ULK4: variants seen among roughly 807,000 people sequenced by gnomAD.
ULK4 encodes inactive serine/threonine-protein kinase ULK4.
A neutral mutation model predicts 160.6 loss-of-function variants in ULK4; 133 were observed. The ratio of observed to expected loss-of-function variants is 0.83; its 90% CI spans 0.72 to 0.96. The LOEUF is 0.96. Ranked by LOEUF, ULK4 falls within the 40% of genes least tolerant of loss-of-function variation. The pLI is 0.00. For missense variants in ULK4, 1,580 were observed against 1,499.5 expected, an observed-to-expected ratio of 1.05 and a Z score of -0.89; for synonymous variants, 534 against 539.8, an observed-to-expected ratio of 0.99 and a Z score of 0.15.
At chr3:41,314,795 CTTCAT>C (rs1437771041) in intron 35 of ULK4, among the ~76,000 whole-genome samples, 2 of 149,352 alleles carry the variant, frequency 1.3e-5, no homozygotes, top group African/African-American at 5.1e-5. Flanking sequence ...AAGAATATAT[CTTCAT>C]TTGGTGCAGT....
At chr3:41,709,533 C>T (rs983188023) in intron 25 of ULK4, among the ~76,000 whole-genome samples, 9 of 151,980 alleles carry the variant, frequency 5.9e-5, no homozygotes, top group African/African-American at 2.2e-4. Flanking sequence ...ACTACAGGCG[C>T]GCGCCACCAC....
At chr3:41,254,080 A>G (rs555840908) in intron 35 of ULK4, among the ~76,000 whole-genome samples, 17 of 152,332 alleles carry the variant, frequency 1.1e-4, no homozygotes, top group Admixed American at 2.6e-4. Flanking sequence ...ATGATAAGAA[A>G]CAGGATAAGT....
intron 17 of ULK4, among the ~76,000 whole-genome samples, chr3:41,862,798 C>A (rs565798147): frequency 1.2e-4 from 18 of 150,720 alleles, no homozygotes; most frequent in South Asian, 4.3e-4. Context: ...CTCCCCCCCC[C>A]CTTTCTCTCT....
At chr3:41,370,803 C>CTA (rs1181350130) in intron 35 of ULK4, among the ~76,000 whole-genome samples, 3 of 152,210 alleles carry the variant, frequency 2.0e-5, no homozygotes, top group Admixed American at 6.5e-5. Context: ...GAACTGTTCA[C>CTA]TACCCTGAAA....
At chr3:41,769,189 T>G (rs1463815848) in intron 21 of ULK4, among the ~76,000 whole-genome samples, 1 of 152,312 alleles carries the variant, frequency 6.6e-6, no homozygotes, top group East Asian at 1.9e-4. Context: ...CCTAAAAACA[T>G]CTTCTGCCCT....
intron 32 of ULK4, among the ~76,000 whole-genome samples, chr3:41,530,282 G>T (rs1311023066): frequency 6.6e-6 from 1 of 152,060 alleles, no homozygotes; most frequent in African/African-American, 2.4e-5. Context: ...TCTAAGGAAG[G>T]GGGACACAGA....
chr3:41,873,609 A>C (rs1697194895), intron 17 of ULK4, among the ~76,000 whole-genome samples: 1 of 152,108 alleles, frequency 6.6e-6, no homozygotes, highest in Non-Finnish European at 1.5e-5. Context: ...GCTAGAGCGC[A>C]GTTGTGCGAT....
chr3:41,907,908 C>CA lies in ULK4; in HGVS notation c.1118dup (p.Glu374GlyfsTer6), dbSNP rs752164025. The CA allele has an allele frequency of 6.2e-7, 1 of 1,607,576 alleles. No individual in the cohort carries two copies. Among genetic ancestry groups the CA allele is most frequent in the South Asian group, 1.1e-5 (1 of 89,920 alleles). On this transcript the variant is annotated frameshift_variant, in exon 12 of 37. Transcript: ENST00000301831. LOFTEE classifies it high-confidence loss of function. The stretch of plus-strand genomic sequence containing the variant: ...TCATATCCTCACCAGGACTTACTTC[C>CA]ACTGCAGTGCTAGTTCTGGGAGTAG...
intron 8 of ULK4, 179 bp from the exon 9 acceptor site, chr3:41,913,078 AAAG>A (rs1698845419): frequency 1.8e-6 from 1 of 566,536 alleles, no homozygotes; most frequent in Non-Finnish European, 3.1e-6. Context: ...AGCAAGATAA[AAAG>A]AAACAATTCA....
chr3:41,798,486 C>T (rs750054789), intron 20 of ULK4, among the ~76,000 whole-genome samples: 1 of 152,050 alleles, frequency 6.6e-6, no homozygotes, highest in African/African-American at 2.4e-5. Context: ...TAATGATAAT[C>T]AGGGGCAGGA....
intron 18 of ULK4, among the ~76,000 whole-genome samples, chr3:41,832,886 G>A (rs2041637756): frequency 6.6e-6 from 1 of 152,094 alleles, no homozygotes; most frequent in South Asian, 2.1e-4. Context: ...CTGTTCCATT[G>A]GTCTGCATGT....
chr3:41,318,028 C>A (rs781078638), intron 35 of ULK4, among the ~76,000 whole-genome samples: 6 of 152,140 alleles, frequency 3.9e-5, no homozygotes, highest in Non-Finnish European at 7.3e-5. Flanking sequence ...GCTATATCTA[C>A]CACTGTTGTC....
intron 30 of ULK4, among the ~76,000 whole-genome samples, chr3:41,648,248 GT>G: frequency 6.6e-6 from 1 of 152,270 alleles, no homozygotes; most frequent in Admixed American, 6.5e-5. Flanking sequence ...GATGAACCCG[GT>G]ACCTCAGATG....
At chr3:41,397,550 G>A (rs189795122) in intron 35 of ULK4, among the ~76,000 whole-genome samples, 2 of 152,058 alleles carry the variant, frequency 1.3e-5, no homozygotes, top group Non-Finnish European at 2.9e-5. Context: ...CAAACTCAGG[G>A]AGATGCTACA....
intron 31 of ULK4, among the ~76,000 whole-genome samples, chr3:41,572,298 G>A (rs890369509): frequency 6.6e-6 from 1 of 152,118 alleles, no homozygotes; most frequent in Non-Finnish European, 1.5e-5. Context: ...GACCCACAGT[G>A]TTACCTGGGA....
At chr3:41,960,230 T>G (rs1576026207) in intron 1 of ULK4, among the ~76,000 whole-genome samples, 1 of 152,184 alleles carries the variant, frequency 6.6e-6, no homozygotes, top group Non-Finnish European at 1.5e-5. Context: ...TCAAGTCACA[T>G]GTGGACAATT....
chr3:41,851,773 AAATGCCCACAAG>A (rs1330082123), intron 17 of ULK4, among the ~76,000 whole-genome samples: 4 of 152,166 alleles, frequency 2.6e-5, no homozygotes, highest in Non-Finnish European at 4.4e-5. Flanking sequence ...TTATAGCACT[AAATGCCCACAAG>A]AGAAAGCAGG....
chr3:41,408,936 T>G (rs1466181536), intron 34 of ULK4, among the ~76,000 whole-genome samples: 2 of 152,094 alleles, frequency 1.3e-5, no homozygotes, highest in African/African-American at 4.8e-5. Flanking sequence ...TCACACCATA[T>G]ATAAAAATTA....
At chr3:41,568,977 T>C (rs2087877345) in intron 31 of ULK4, among the ~76,000 whole-genome samples, 2 of 152,168 alleles carry the variant, frequency 1.3e-5, no homozygotes, top group Non-Finnish European at 2.9e-5. Flanking sequence ...CTAGAGTGGC[T>C]TACAGAACTC....
Sources: gnomAD v4.1 joint callset for allele counts (sites outside exome capture counted in the v4.1 genomes callset) on GRCh38, gnomAD v4.1.1 for gene constraint, MANE v1.5 for transcripts, NCBI Gene and HGNC (gene_info 2026-07-23, HGNC 2026-07-21) for gene names.